The following KCNQ1 variants were observed in gnomAD, a reference collection of about 807,000 sequenced individuals.
KCNQ1 encodes the protein potassium voltage-gated channel subfamily Q member 1, also known as potassium voltage-gated channel subfamily KQT member 1.
A neutral mutation model predicts 72.4 loss-of-function variants in KCNQ1; 49 were observed. That is an observed-to-expected ratio of 0.68 (90% confidence interval 0.54 to 0.86). KCNQ1 has a LOEUF of 0.86. Among genes scored for constraint, KCNQ1 ranks in the 40% least tolerant of loss-of-function variants. The pLI is 0.00. For synonymous variants in KCNQ1, 450 were observed against 412.6 expected (o/e 1.09, Z -1.10); for missense variants, 790 against 945.1 (o/e 0.84, Z 2.15).
At chr11:2,577,108 T>G (rs1048199984) in intron 6 of KCNQ1, among the ~76,000 whole-genome samples, 84 of 152,328 alleles carry the variant, frequency 5.5e-4, no homozygotes, top group Middle Eastern at 3.4e-3. Context: ...GCGGAGACTT[T>G]CCCTGGACCG....
At chr11:2,680,185 C>T (rs1300569515) in intron 11 of KCNQ1, 1 of 395,260 alleles carries the variant, frequency 2.5e-6, no homozygotes, top group Admixed American at 4.5e-5. Flanking sequence ...AGCCAATGCA[C>T]CTGGCCTCAG....
Position 2,769,474 on chromosome 11 carries a change from C to T in KCNQ1, c.1590+555C>T, listed in dbSNP as rs2133981802. Among the ~76,000 whole-genome samples, 1 of 152,300 alleles carries T rather than the reference C, an allele frequency of 6.6e-6. No homozygotes were observed. The highest frequency in any genetic ancestry group is 3.4e-3 in the Middle Eastern group (1 of 294). On this transcript the variant is annotated intron_variant, in intron 12 of 15. Coordinates refer to ENST00000155840, the MANE Select transcript of KCNQ1 (RefSeq NM_000218.3). The surrounding 1 kb of genome is among the most constrained non-coding windows in gnomAD (Gnocchi z 4.6). ...GGTGAGGCTGGAGCTCCAGGGCTTC[C>T]ATAAGCTGCCCTAACTTCTCCAGGG...
At position 2,603,830 on chromosome 11, in the gene KCNQ1, A is replaced by T. The variant is rs764813310; in HGVS notation, c.1393+14976A>T. On this transcript the variant is annotated intron_variant, in intron 10 of 15. Transcript: ENST00000155840. The surrounding 1 kb of genome is among the most constrained non-coding windows in gnomAD (Gnocchi z 4.1). Reference sequence around the variant, plus strand: ...CTCAGCCTCCCAAGTAGGTGGGATTACGGGCACGCACCACCAAGCCCGGCT... The same window carrying T: ...CTCAGCCTCCCAAGTAGGTGGGATTTCGGGCACGCACCACCAAGCCCGGCT... Among the ~76,000 whole-genome samples the T allele has an allele frequency of 1.3e-5, 2 of 151,946 alleles. No homozygotes were observed. Among genetic ancestry groups the T allele is most frequent in the Non-Finnish European group, 2.9e-5 (2 of 68,006 alleles).
rs1589954371 is a variant in KCNQ1 at position 2,566,818 on chromosome 11, T to C, written c.478-3810T>C. Among the ~76,000 whole-genome samples, 1 of 152,102 alleles carries C rather than the reference T, an allele frequency of 6.6e-6. No individual in the cohort carries two copies. The highest frequency in any genetic ancestry group is 1.5e-5 in the Non-Finnish European group (1 of 68,002). ...AGAGGCGCTTTGTGGGGCTGGATGA[T>C]CCTGGGTGCCCCTCAGAGAAGGCCC... On this transcript the variant is annotated intron_variant, in intron 2 of 15. Coordinates refer to ENST00000155840, the MANE Select transcript of KCNQ1 (RefSeq NM_000218.3). The surrounding 1 kb of genome is among the most constrained non-coding windows in gnomAD (Gnocchi z 6.7).
At position 2,848,326 on chromosome 11, in the gene KCNQ1, A is replaced by G; in HGVS notation, c.*323A>G. The G allele has an allele frequency of 1.7e-6, 1 of 595,828 alleles. No homozygotes were observed. The highest frequency in any genetic ancestry group is 3.2e-6 in the Non-Finnish European group (1 of 317,426). 36.9% of individuals were successfully genotyped at this position (595,828 alleles called of 1,614,324 possible). A position where few individuals can be genotyped will look rare whatever the true frequency, so the allele number is the denominator to read the frequency against. On this transcript the variant is annotated 3_prime_UTR_variant, in exon 16 of 16. Transcript: ENST00000155840. Reference sequence around the variant, plus strand: ...GCAGGGCACAGGGCCTGGCCCATGTATGGCCAGGAAGTAGCACAGGCTGAG... The same window carrying G: ...GCAGGGCACAGGGCCTGGCCCATGTGTGGCCAGGAAGTAGCACAGGCTGAG...
In KCNQ1 at chr11:2,570,645, G is replaced by A; in HGVS notation, c.495G>A (p.Val165=). 6.2e-7 allele frequency: 1 copy of A among 1,612,772 alleles called. No individual in the cohort carries two copies. ...TLFWMEIVLV[V]FFGTEYVVRL... is the part of the protein sequence containing the mutation. ...CCCTGCAGGAGATCGTGCTGGTGGT[G>A]TTCTTCGGGACGGAGTACGTGGTCC... is the stretch of plus-strand genomic sequence containing the variant. Residue 165 remains valine, a synonymous_variant, in exon 3 of 16, where the codon GTG becomes GTA. Transcript: ENST00000155840.
rs561568412 is a variant in KCNQ1, at chr11:2,824,828, G to A, written c.1795-22939G>A. ...AATTCTGTACTTGGCCTGTCTCAGT[G>A]CCGTGCCGCATCCATCCTGCCCCTG... On this transcript the variant is annotated intron_variant, in intron 15 of 15. Coordinates refer to ENST00000155840, the MANE Select transcript of KCNQ1 (RefSeq NM_000218.3). The surrounding 1 kb of genome is among the most constrained non-coding windows in gnomAD (Gnocchi z 5.9). Among the ~76,000 whole-genome samples, 7 of 152,334 alleles carry A rather than the reference G, an allele frequency of 4.6e-5. No homozygotes were observed. In the South Asian group the frequency reaches 1.2e-3, roughly 27 times the overall value.
chr11:2,571,112 G>A (rs1848326456), intron 3 of KCNQ1, among the ~76,000 whole-genome samples: 1 of 152,162 alleles, frequency 6.6e-6, no homozygotes, highest in African/African-American at 2.4e-5. Context: ...CCCAGCCTAG[G>A]CCGGGGGCTC....
rs61873497 is a variant in KCNQ1, at chr11:2,457,298, G to A, written c.386+11814G>A. On this transcript the variant is annotated intron_variant, in intron 1 of 15. Transcript: ENST00000155840. The surrounding 1 kb of genome is among the most constrained non-coding windows in gnomAD (Gnocchi z 5.0). ...TCGATCCAGCAGTCCCGTGTGCTGA[G>A]TTTATACCCAAAGAAAAATTAGTCG... is the stretch of plus-strand genomic sequence containing the variant. Among the ~76,000 whole-genome samples, 280 of 152,316 alleles carry A rather than the reference G, an allele frequency of 1.8e-3. No homozygotes were observed. The highest frequency in any genetic ancestry group is 3.5e-3 in the Non-Finnish European group (239 of 68,038).
chr11:2,614,979 G>A (rs1849037879), intron 10 of KCNQ1: 1 of 398,252 alleles, frequency 2.5e-6, no homozygotes, highest in South Asian at 1.3e-4. Flanking sequence ...GTAGATCACT[G>A]GGTAATATCG....
chr11:2,694,444 A>G (rs1402262432), intron 11 of KCNQ1: 1 of 398,566 alleles, frequency 2.5e-6, no homozygotes, highest in Non-Finnish European at 4.4e-6. Flanking sequence ...ATCTTACAAT[A>G]TAAATGACAG....
intron 1 of KCNQ1, chr11:2,461,375 C>A (rs1002575825): frequency 8.2e-7 from 1 of 1,222,256 alleles, no homozygotes; most frequent in Non-Finnish European, 1.1e-6. Flanking sequence ...GGGAAGGGAA[C>A]CTTGAGTGTG....
rs1021114904 is a variant in KCNQ1, at chr11:2,603,756, T to C, written c.1393+14902T>C. ...CCCAGGCTGGAGTGCAGTGGCGCGA[T>C]GTCGGCTCACTGCAACCTCCGCCTC... is the stretch of plus-strand genomic sequence containing the variant. On this transcript the variant is annotated intron_variant, in intron 10 of 15. Coordinates refer to ENST00000155840, the MANE Select transcript of KCNQ1 (RefSeq NM_000218.3). This position sits in a 1 kb window ranked among gnomAD's most constrained non-coding sequence, Gnocchi z 4.1. Among the ~76,000 whole-genome samples, 6 of 152,010 alleles carry C rather than the reference T, an allele frequency of 3.9e-5. No individual in the cohort carries two copies. Among genetic ancestry groups the C allele is most frequent in the African/African-American group, 1.2e-4 (5 of 41,382 alleles).
rs1846049911 is a variant in KCNQ1 at position 2,447,101 on chromosome 11, C to G, written c.386+1617C>G. The stretch of plus-strand genomic sequence containing the variant: ...TATTCAGGTTTGTGGACACATGCCT[C>G]CGGGCTCACTGCAGCCACCCGTGTG... On this transcript the variant is annotated intron_variant, in intron 1 of 15. Transcript: ENST00000155840. The surrounding 1 kb of genome is among the most constrained non-coding windows in gnomAD (Gnocchi z 7.6). Among the ~76,000 whole-genome samples the G allele has an allele frequency of 6.6e-6, 1 of 152,212 alleles. No homozygotes were observed. The highest frequency in any genetic ancestry group is 1.9e-4 in the East Asian group (1 of 5,190).
intron 11 of KCNQ1, among the ~76,000 whole-genome samples, chr11:2,747,401 G>A (rs974815426): frequency 4.6e-5 from 7 of 152,162 alleles, no homozygotes; most frequent in Admixed American, 2.6e-4. Context: ...GGGTGGCCCC[G>A]GGAGGGGCTC....
rs959091455 is a variant in KCNQ1, at chr11:2,623,121, C to G, written c.1393+34267C>G. 1 of 398,450 alleles carries G rather than the reference C, an allele frequency of 2.5e-6. No individual in the cohort carries two copies. Among genetic ancestry groups the G allele is most frequent in the African/African-American group, 2.1e-5 (1 of 48,590 alleles). 24.7% of individuals were successfully genotyped at this position (398,450 alleles called of 1,614,324 possible). A position where few individuals can be genotyped will look rare whatever the true frequency, so the allele number is the denominator to read the frequency against. On this transcript the variant is annotated intron_variant, in intron 10 of 15. Coordinates refer to ENST00000155840, the MANE Select transcript of KCNQ1 (RefSeq NM_000218.3). The surrounding 1 kb of genome is among the most constrained non-coding windows in gnomAD (Gnocchi z 5.2). The stretch of plus-strand genomic sequence containing the variant: ...GTTGTTTAAACGTGTGTGGCACTTC[C>G]CATCTCACTTTCTTTCCCTCTCCTG...
At position 2,494,475 on chromosome 11, in the gene KCNQ1, C is replaced by T. The variant is rs1846879568; in HGVS notation, c.387-33453C>T. On this transcript the variant is annotated intron_variant, in intron 1 of 15. Coordinates refer to ENST00000155840, the MANE Select transcript of KCNQ1 (RefSeq NM_000218.3). The surrounding 1 kb of genome is among the most constrained non-coding windows in gnomAD (Gnocchi z 4.6). ...TTTTGCCCGTTCAGTATGATATTGC[C>T]TGTGGGTTTGTCATAAATAGCTCTT... 6.6e-6 allele frequency among the ~76,000 whole-genome samples: 1 copy of T among 152,110 alleles called. No individual in the cohort carries two copies. The highest frequency in any genetic ancestry group is 6.5e-5 in the Admixed American group (1 of 15,272).
rs1845731453 is a variant in KCNQ1 at position 2,724,871 on chromosome 11, CTG to C, written c.1515-43970_1515-43969del. 1.3e-5 allele frequency among the ~76,000 whole-genome samples: 2 copies of C among 152,334 alleles called. No individual in the cohort carries two copies. The highest frequency in any genetic ancestry group is 4.1e-4 in the South Asian group (2 of 4,824). Reference sequence around the variant, plus strand: ...AGGTACCAGGCCTCAGCGTTCTCAACTGTGAAATGGGAACACGGTGGTCTCTG... The same window carrying C: ...AGGTACCAGGCCTCAGCGTTCTCAACTGAAATGGGAACACGGTGGTCTCTG... On this transcript the variant is annotated intron_variant, in intron 11 of 15. Coordinates refer to ENST00000155840, the MANE Select transcript of KCNQ1 (RefSeq NM_000218.3). This position sits in a 1 kb window ranked among gnomAD's most constrained non-coding sequence, Gnocchi z 6.8.
Position 2,815,146 on chromosome 11 carries a change from A to C in KCNQ1, c.1795-32621A>C, listed in dbSNP as rs746031942. ...ATGTGGTCAGTACCAATCCCTCCCC[A>C]AATTACCCCCATGCTCAGGGTGTCA... On this transcript the variant is annotated intron_variant, in intron 15 of 15. Coordinates refer to ENST00000155840, the MANE Select transcript of KCNQ1 (RefSeq NM_000218.3). The surrounding 1 kb of genome is among the most constrained non-coding windows in gnomAD (Gnocchi z 5.4). Among the ~76,000 whole-genome samples the C allele has an allele frequency of 6.6e-6, 1 of 152,158 alleles. No homozygotes were observed. Among genetic ancestry groups the C allele is most frequent in the Non-Finnish European group, 1.5e-5 (1 of 68,024 alleles).
Sources: gnomAD v4.1 joint callset for allele counts (sites outside exome capture counted in the v4.1 genomes callset) on GRCh38, gnomAD v4.1.1 for gene constraint, Gnocchi (gnomAD v3.1) non-coding constraint, MANE v1.5 for transcripts, NCBI Gene and HGNC (gene_info 2026-07-23, HGNC 2026-07-21) for gene names.